SCARA5: variants seen among roughly 807,000 people sequenced by gnomAD.
SCARA5 encodes scavenger receptor class A, member 5 (putative).
Under a neutral mutation model 46.3 loss-of-function variants are expected in SCARA5, and 45 were observed. The ratio of observed to expected loss-of-function variants is 0.97; its 90% CI spans 0.76 to 1.24. The LOEUF is 1.24. Ranked by LOEUF, SCARA5 falls within the 50% of genes most tolerant of loss-of-function variation. SCARA5 has a pLI of 0.00. For synonymous variants in SCARA5, 333 were observed against 306.5 expected (o/e 1.09, Z -0.90); for missense variants, 680 against 689.0 (o/e 0.99, Z 0.15).
At chr8:27,975,688 AC>A (rs1798896176) in intron 2 of SCARA5, among the ~76,000 whole-genome samples, 2 of 148,334 alleles carry the variant, frequency 1.3e-5, no homozygotes, top group Admixed American at 1.3e-4. Flanking sequence ...ATAGAAAAAA[AC>A]ATTTTGGTTT....
intron 3 of SCARA5, among the ~76,000 whole-genome samples, chr8:27,945,558 A>G (rs1049704128): frequency 3.3e-5 from 5 of 152,210 alleles, no homozygotes; most frequent in Admixed American, 3.3e-4. Context: ...CTACATAAAG[A>G]TTTATGAAGC....
chr8:27,966,331 C>T (rs1808366863), intron 3 of SCARA5, 83 bp downstream of exon 3: 2 of 1,402,468 alleles, frequency 1.4e-6, no homozygotes, highest in African/African-American at 1.4e-5. Flanking sequence ...TGTTTGGGCT[C>T]ATGACAGTGG....
intron 2 of SCARA5, among the ~76,000 whole-genome samples, chr8:27,984,486 A>C (rs978583293): frequency 2.6e-5 from 4 of 152,200 alleles, no homozygotes; most frequent in African/African-American, 9.7e-5. Flanking sequence ...TCATTCATTC[A>C]TCTATTTATT....
intron 3 of SCARA5, among the ~76,000 whole-genome samples, chr8:27,948,284 T>G (rs1808068721): frequency 6.6e-6 from 1 of 152,148 alleles, no homozygotes; most frequent in Non-Finnish European, 1.5e-5. Context: ...AGGGTCTGGC[T>G]GCTCCAGGCA....
chr8:27,921,804 C>T lies in SCARA5; in HGVS notation c.683G>A (p.Arg228His), dbSNP rs772300789. 5 of 1,557,262 alleles carry T rather than the reference C, an allele frequency of 3.2e-6. No individual in the cohort carries two copies. Among genetic ancestry groups the T allele is most frequent in the Non-Finnish European group, 4.3e-6 (5 of 1,156,686 alleles). Residue 228 changes from arginine to histidine, a missense_variant, in exon 4 of 9, where the codon CGC (arginine) becomes CAC (histidine). By Grantham distance (29) the Arg-to-His change is conservative (BLOSUM62 0). Around this residue, in one of 3 missense-constraint regions of SCARA5, gnomAD observed 438 missense variants for 384.5 expected, o/e 1.14. Transcript: ENST00000354914. ...EELADVGGVL[R>H]GLNHSLSYDV... ...GTAGGACAGGCTGTGGTTGAGGCCG[C>T]GCAGCACGCCGCCCACGTCGGCCAG... is the stretch of plus-strand genomic sequence containing the variant.
intron 3 of SCARA5, among the ~76,000 whole-genome samples, chr8:27,925,238 C>T (rs1048479255): frequency 1.3e-5 from 2 of 152,194 alleles, no homozygotes; most frequent in South Asian, 2.1e-4. Context: ...CTTCAAACTA[C>T]ACTACAAGGC....
At chr8:27,980,028 A>G (rs1808589534) in intron 2 of SCARA5, among the ~76,000 whole-genome samples, 1 of 152,140 alleles carries the variant, frequency 6.6e-6, no homozygotes, top group Non-Finnish European at 1.5e-5. Context: ...CATTTAGGTA[A>G]CCTTGCACTT....
intron 2 of SCARA5, among the ~76,000 whole-genome samples, chr8:27,979,723 T>C (rs1159614222): frequency 6.6e-6 from 1 of 152,092 alleles, no homozygotes; most frequent in Non-Finnish European, 1.5e-5. Flanking sequence ...CACGCCTGGC[T>C]AATTTTTTTT....
chr8:27,882,975 TA>T (rs1327539102), intron 7 of SCARA5, among the ~76,000 whole-genome samples: 3 of 152,160 alleles, frequency 2.0e-5, no homozygotes, highest in Admixed American at 2.0e-4. Flanking sequence ...GAACAACATC[TA>T]CACTGCAGGA....
chr8:27,973,425 C>G (rs1585521925), intron 2 of SCARA5, among the ~76,000 whole-genome samples: 1 of 151,930 alleles, frequency 6.6e-6, no homozygotes, highest in African/African-American at 2.4e-5. Context: ...TGCAGTGAGC[C>G]GAGATCGCGC....
intron 4 of SCARA5, among the ~76,000 whole-genome samples, chr8:27,915,257 T>C (rs981459966): frequency 6.6e-6 from 1 of 152,146 alleles, no homozygotes; most frequent in Non-Finnish European, 1.5e-5. Flanking sequence ...GTCAGCCCCA[T>C]TTCACAGCCG....
intron 3 of SCARA5, among the ~76,000 whole-genome samples, chr8:27,933,718 G>A (rs1031694468): frequency 6.6e-6 from 1 of 152,018 alleles, no homozygotes; most frequent in Admixed American, 6.6e-5. Context: ...TTATTATTAG[G>A]AAAATTTTCA....
chr8:27,970,857 T>C lies in SCARA5; in HGVS notation c.113-4315A>G, dbSNP rs1585520494. Among the ~76,000 whole-genome samples the C allele has an allele frequency of 2.6e-5, 4 of 152,274 alleles. 1 individual carries two copies. In the South Asian group the frequency reaches 8.3e-4, roughly 32 times the overall value. On this transcript the variant is annotated intron_variant, in intron 2 of 8. Coordinates refer to ENST00000354914, the MANE Select transcript of SCARA5 (RefSeq NM_173833.6). ...GACATATGTGTGTGCAAAATTTATC[T>C]GAAAAAATTAACAAAATTTTGGCTT...
intron 8 of SCARA5, 25 bp downstream of exon 8, chr8:27,879,544 G>GT (rs1806775653): frequency 1.3e-6 from 2 of 1,599,172 alleles, no homozygotes; most frequent in African/African-American, 1.3e-5. Flanking sequence ...CTCTCCTCAT[G>GT]TTTTTTGCCC....
chr8:27,901,965 C>T (rs1807162260), intron 7 of SCARA5, among the ~76,000 whole-genome samples: 1 of 152,172 alleles, frequency 6.6e-6, no homozygotes, highest in Non-Finnish European at 1.5e-5. Context: ...TGGAGGCTGG[C>T]CTCCCAGTTT....
intron 3 of SCARA5, among the ~76,000 whole-genome samples, chr8:27,953,840 G>T (rs1463001983): frequency 2.0e-5 from 3 of 152,180 alleles, no homozygotes; most frequent in African/African-American, 7.2e-5. Flanking sequence ...ACCCAAAAAA[G>T]GTTGAAGATT....
At chr8:27,940,760 GTCCATCCATCCATCCA>G (rs60443615) in intron 3 of SCARA5, among the ~76,000 whole-genome samples, 11 of 128,276 alleles carry the variant, frequency 8.6e-5, no homozygotes, top group Non-Finnish European at 1.3e-4. Flanking sequence ...CCAACCATCT[GTCCATCCATCCATCCA>G]TCCATCCATC....
intron 2 of SCARA5, among the ~76,000 whole-genome samples, chr8:27,976,980 A>G (rs1808534972): frequency 6.6e-6 from 1 of 152,170 alleles, no homozygotes; most frequent in African/African-American, 2.4e-5. Flanking sequence ...AGGCTGCCAC[A>G]GCAAAGTACC....
At chr8:27,983,371 T>C (rs1372031980) in intron 2 of SCARA5, among the ~76,000 whole-genome samples, 1 of 152,180 alleles carries the variant, frequency 6.6e-6, no homozygotes, top group Non-Finnish European at 1.5e-5. Context: ...AACAGAGCTT[T>C]TCCAGGCTTA....
Sources: gnomAD v4.1 joint callset for allele counts (sites outside exome capture counted in the v4.1 genomes callset) on GRCh38, gnomAD v4.1.1 for gene constraint, gnomAD v4.1.1 regional missense constraint, MANE v1.5 for transcripts, NCBI Gene and HGNC (gene_info 2026-07-23, HGNC 2026-07-21) for gene names.